Variants in GALNT1 observed in about 807,000 individuals in gnomAD.
The protein encoded by GALNT1 is GalNAc transferase 1.
In GALNT1, 17 loss-of-function variants were observed where a neutral mutation model predicts 65.7. The observed-to-expected ratio is 0.26, with a 90% CI of 0.18 to 0.39. The LOEUF (loss-of-function observed/expected upper bound fraction) is 0.39, where lower values mean the gene tolerates loss of function less well. GALNT1 is among the 10% of genes least tolerant of loss of function. The pLI is 1.00. For missense variants in GALNT1, 460 were observed against 672.8 expected, an observed-to-expected ratio of 0.68 and a Z score of 3.50; for synonymous variants, 210 against 219.7, an observed-to-expected ratio of 0.96 and a Z score of 0.39.
At chr18:35,630,671 A>G (rs1012829314) in intron 1 of GALNT1, among the ~76,000 whole-genome samples, 3 of 152,242 alleles carry the variant, frequency 2.0e-5, no homozygotes, top group Non-Finnish European at 4.4e-5. Flanking sequence ...AACACATTCA[A>G]AAGCTAGCAG....
chr18:35,629,883 C>G (rs566238486), intron 1 of GALNT1, among the ~76,000 whole-genome samples: 1 of 151,570 alleles, frequency 6.6e-6, no homozygotes, highest in African/African-American at 2.4e-5. Flanking sequence ...AAATGGAAAA[C>G]AAAAAAAGGC....
At chr18:35,606,240 G>A (rs982188205) in intron 1 of GALNT1, among the ~76,000 whole-genome samples, 5 of 152,156 alleles carry the variant, frequency 3.3e-5, no homozygotes, top group African/African-American at 1.2e-4. Context: ...TGGCATTTCT[G>A]CTCACACTTG....
intron 1 of GALNT1, among the ~76,000 whole-genome samples, chr18:35,648,844 T>C (rs1598794811): frequency 6.6e-6 from 1 of 152,230 alleles, no homozygotes; most frequent in African/African-American, 2.4e-5. Flanking sequence ...AAGAAAGTTA[T>C]GGAATGTTTT....
chr18:35,706,917 C>G (rs1490763926), intron 11 of GALNT1, among the ~76,000 whole-genome samples: 2 of 152,092 alleles, frequency 1.3e-5, no homozygotes, highest in Non-Finnish European at 2.9e-5. Flanking sequence ...TTCAAAGCAA[C>G]CCTAGAAATT....
chr18:35,632,385 AAATAATACCACACATCTAC>A (rs2047026429), intron 1 of GALNT1, among the ~76,000 whole-genome samples: 1 of 152,162 alleles, frequency 6.6e-6, no homozygotes, highest in Non-Finnish European at 1.5e-5. Context: ...GAGCCCTCAG[AAATAATACCACACATCTAC>A]AACTATCTGA....
intron 1 of GALNT1, among the ~76,000 whole-genome samples, chr18:35,634,796 T>C (rs2047067867): frequency 6.6e-6 from 1 of 152,216 alleles, no homozygotes; most frequent in Non-Finnish European, 1.5e-5. Flanking sequence ...AGGAAAAGTT[T>C]TATATCAATG....
At chr18:35,667,039 C>T (rs1332067774) in intron 3 of GALNT1, among the ~76,000 whole-genome samples, 1 of 152,016 alleles carries the variant, frequency 6.6e-6, no homozygotes, top group African/African-American at 2.4e-5. Flanking sequence ...TTGTATTTAC[C>T]ACCCAGCTTC....
chr18:35,609,951 C>T (rs1024286263), intron 1 of GALNT1, among the ~76,000 whole-genome samples: 4 of 152,096 alleles, frequency 2.6e-5, no homozygotes, highest in African/African-American at 9.7e-5. Flanking sequence ...TTCTGAAAGT[C>T]ATTTTTTGAG....
At position 35,647,041 on chromosome 18, in the gene GALNT1, A is replaced by G. The variant is rs1221282296; in HGVS notation, c.-103-7519A>G. 4.6e-5 allele frequency among the ~76,000 whole-genome samples: 7 copies of G among 152,074 alleles called. No individual in the cohort carries two copies. The South Asian group carries it at 1.2e-3, about 27-fold the overall frequency. ...GAGTTTGTCCCATCGTATCTCTTGT[A>G]TCTTCCCACTTTTATCATCTCCAGC... On this transcript the variant is annotated intron_variant, in intron 1 of 11. Transcript: ENST00000269195.
intron 1 of GALNT1, among the ~76,000 whole-genome samples, chr18:35,634,670 C>T (rs1293864707): frequency 6.6e-6 from 1 of 152,210 alleles, no homozygotes; most frequent in Non-Finnish European, 1.5e-5. Flanking sequence ...GTCATGTAGG[C>T]ATCTCCTGCC....
chr18:35,678,042 C>G (rs941298819), intron 4 of GALNT1, among the ~76,000 whole-genome samples: 2 of 151,612 alleles, frequency 1.3e-5, no homozygotes, highest in African/African-American at 2.4e-5. Context: ...TGAAAAAACT[C>G]TCATCATTTT....
chr18:35,592,461 C>T (rs2046457153), intron 1 of GALNT1, among the ~76,000 whole-genome samples: 1 of 152,120 alleles, frequency 6.6e-6, no homozygotes, highest in Non-Finnish European at 1.5e-5. Context: ...AAAGAGGACT[C>T]ATTCTGTTTA....
rs1033147763 is a variant in GALNT1 at position 35,603,735 on chromosome 18, C to T, written c.-104+21873C>T. On this transcript the variant is annotated intron_variant, in intron 1 of 11. Coordinates refer to ENST00000269195, the MANE Select transcript of GALNT1 (RefSeq NM_020474.4). ...GCAATCATTGGTGGACCCTGGAGCT[C>T]CATCCCTCTACAGTTAAGCCAGCTC... 2.0e-5 allele frequency among the ~76,000 whole-genome samples: 3 copies of T among 152,218 alleles called. No individual in the cohort carries two copies. In the East Asian group the frequency reaches 5.8e-4, roughly 29 times the overall value.
chr18:35,650,209 A>T (rs1180828521), intron 1 of GALNT1, among the ~76,000 whole-genome samples: 1 of 152,162 alleles, frequency 6.6e-6, no homozygotes, highest in African/African-American at 2.4e-5. Context: ...TGGGGGAGAC[A>T]TCACGTCAGC....
chr18:35,582,288 C>T (rs2046332256), intron 1 of GALNT1, among the ~76,000 whole-genome samples: 1 of 152,130 alleles, frequency 6.6e-6, no homozygotes, highest in South Asian at 2.1e-4. Flanking sequence ...CCGCTGCCCC[C>T]GAGGAGGACC....
intron 3 of GALNT1, among the ~76,000 whole-genome samples, chr18:35,674,250 C>G (rs2047676137): frequency 6.6e-6 from 1 of 152,164 alleles, no homozygotes; most frequent in Non-Finnish European, 1.5e-5. Flanking sequence ...TTAGGCTCTT[C>G]TAAATGTATT....
rs568092683 is a variant in GALNT1, at chr18:35,661,415, G to T, written c.140-2213G>T. On this transcript the variant is annotated intron_variant, in intron 2 of 11. Transcript: ENST00000269195. ...TGGAGAGGCTGAGACAGGACAATTC[G>T]CTTGAATCTGGGAGACAAAGGTTGC... 1.1e-4 allele frequency among the ~76,000 whole-genome samples: 17 copies of T among 151,808 alleles called. No homozygotes were observed. The East Asian group carries it at 1.7e-3, about 16-fold the overall frequency.
intron 1 of GALNT1, among the ~76,000 whole-genome samples, chr18:35,652,888 G>T (rs561983219): frequency 4.7e-4 from 71 of 152,290 alleles, no homozygotes; most frequent in African/African-American, 1.6e-3. Flanking sequence ...TTTTCAAATA[G>T]GATTTTAGAG....
rs115863137 is a variant in GALNT1, at chr18:35,605,073, A to G, written c.-104+23211A>G. Among the ~76,000 whole-genome samples, 564 of 152,340 alleles carry G rather than the reference A, an allele frequency of 3.7e-3. 3 individuals are homozygous for G. Among genetic ancestry groups the G allele is most frequent in the African/African-American group, 0.013 (532 of 41,576 alleles). On this transcript the variant is annotated intron_variant, in intron 1 of 11. Coordinates refer to ENST00000269195, the MANE Select transcript of GALNT1 (RefSeq NM_020474.4). The stretch of plus-strand genomic sequence containing the variant: ...TCTGGTTAAATTTAATTAGGAGTTA[A>G]GAAGGTGAGGATTTTGCAGAACAGG...
Sources: allele counts gnomAD v4.1 joint callset (sites outside exome capture counted in the v4.1 genomes callset), GRCh38; gene constraint gnomAD v4.1.1; transcripts MANE v1.5; gene names NCBI Gene and HGNC (gene_info 2026-07-23, HGNC 2026-07-21).